LARP4B: variants seen among roughly 807,000 people sequenced by gnomAD.
LARP4B encodes the protein La ribonucleoprotein 4B.
A neutral mutation model predicts 89.8 loss-of-function variants in LARP4B; 12 were observed. The ratio of observed to expected loss-of-function variants is 0.13; its 90% CI spans 0.09 to 0.22. LARP4B has a LOEUF of 0.22. Ranked by LOEUF, LARP4B falls within the 10% of genes least tolerant of loss-of-function variation. LARP4B has a pLI of 1.00. For missense variants in LARP4B, 757 were observed against 947.7 expected, an observed-to-expected ratio of 0.80 and a Z score of 2.64; for synonymous variants, 367 against 363.3, an observed-to-expected ratio of 1.01 and a Z score of -0.12.
intron 3 of LARP4B, among the ~76,000 whole-genome samples, chr10:876,089 C>T (rs1835438726): frequency 6.6e-6 from 1 of 152,074 alleles, no homozygotes; most frequent in Non-Finnish European, 1.5e-5. Flanking sequence ...CAGGCACACA[C>T]ACAAAAAAAT....
chr10:882,609 G>T (rs576851237), intron 3 of LARP4B, among the ~76,000 whole-genome samples: 2 of 152,078 alleles, frequency 1.3e-5, no homozygotes, highest in Non-Finnish European at 2.9e-5. Flanking sequence ...GGATGGTCTC[G>T]ATCTCAGGGA....
the LARP4B span, among the ~76,000 whole-genome samples, chr10:961,703 G>C: frequency 6.6e-6 from 1 of 152,192 alleles, no homozygotes; most frequent in Non-Finnish European, 1.5e-5. Flanking sequence ...TGTGGCCAGA[G>C]AGGAGACGAG....
chr10:851,894 C>T (rs931078257), intron 5 of LARP4B, among the ~76,000 whole-genome samples: 2 of 151,966 alleles, frequency 1.3e-5, no homozygotes, highest in African/African-American at 4.8e-5. Flanking sequence ...GGTGAAACTC[C>T]ATCTCTACAG....
rs113292847 is a variant in LARP4B, at chr10:843,662, G to A, written c.510-594C>T. Among the ~76,000 whole-genome samples, 476 of 152,130 alleles carry A rather than the reference G, an allele frequency of 3.1e-3. 5 individuals carry two copies. The highest frequency in any genetic ancestry group is 0.011 in the African/African-American group (461 of 41,516). On this transcript the variant is annotated intron_variant, in intron 6 of 17. Transcript: ENST00000316157. ...TACAGTGAGCCAAGATCACACCACT[G>A]CACTCTAGCCTGGGCGACAAGAGTG...
intron 1 of LARP4B, among the ~76,000 whole-genome samples, chr10:929,999 G>C (rs554530540): frequency 7.2e-5 from 11 of 151,798 alleles, no homozygotes; most frequent in Non-Finnish European, 1.5e-4. Flanking sequence ...AATACAAGGA[G>C]AAAAAACTGA....
chr10:824,059 T>C (rs935694096), intron 13 of LARP4B, among the ~76,000 whole-genome samples: 1 of 152,228 alleles, frequency 6.6e-6, no homozygotes, highest in African/African-American at 2.4e-5. Context: ...AAGAGGAGCT[T>C]GCACGTCAGG....
At chr10:844,669 A>C (rs909200329) in intron 6 of LARP4B, among the ~76,000 whole-genome samples, 1 of 152,164 alleles carries the variant, frequency 6.6e-6, no homozygotes, top group Non-Finnish European at 1.5e-5. Context: ...GTGCTTTCAG[A>C]AACAACGTGG....
upstream of LARP4B, among the ~76,000 whole-genome samples, chr10:934,102 G>C (rs1376001458): frequency 1.3e-5 from 2 of 151,974 alleles, no homozygotes; most frequent in Non-Finnish European, 2.9e-5. Context: ...TAAGTGCTGG[G>C]ATTACAGGCG....
chr10:944,574 C>A, the LARP4B span, among the ~76,000 whole-genome samples: 4 of 152,224 alleles, frequency 2.6e-5, no homozygotes, highest in African/African-American at 7.2e-5. Context: ...ACTCAGCCAG[C>A]GCTGGGGAAA....
chr10:811,811 T>C lies in LARP4B; in HGVS notation c.*1115A>G, dbSNP rs1277703825. On this transcript the variant is annotated 3_prime_UTR_variant, in exon 18 of 18. Transcript: ENST00000316157. ...TGAGGCATTTTAAAACAAAATAATT[T>C]ATATTTAACTTTATTATAAACTTGC... The C allele has an allele frequency of 6.6e-6, 1 of 152,648 alleles. No individual in the cohort carries two copies. Among genetic ancestry groups the C allele is most frequent in the Non-Finnish European group, 1.5e-5 (1 of 68,050 alleles). The allele number at this position is 152,648 out of a possible 1,614,324, so 9.5% of individuals were successfully genotyped here. A position where few individuals can be genotyped will look rare whatever the true frequency, so the allele number is the denominator to read the frequency against.
chr10:835,284 T>G (rs926320142), intron 8 of LARP4B, among the ~76,000 whole-genome samples: 2 of 152,152 alleles, frequency 1.3e-5, no homozygotes, highest in African/African-American at 4.8e-5. Context: ...CTTTCTCACA[T>G]GCTAGGGTTG....
Position 814,618 on chromosome 10 carries a change from G to C in LARP4B, c.1929+124C>G, listed in dbSNP as rs1202195683. On this transcript the variant is annotated intron_variant, in intron 17 of 17. Transcript: ENST00000316157. The surrounding 1 kb of genome is among the most constrained non-coding windows in gnomAD (Gnocchi z 4.4). ...TTGTACAGAAAACACAACACAGACA[G>C]ACGCAAATAAAAACCCACCAAATTA... 2 of 1,546,212 alleles carry C rather than the reference G, an allele frequency of 1.3e-6. No homozygotes were observed. The highest frequency in any genetic ancestry group is 1.7e-6 in the Non-Finnish European group (2 of 1,143,560).
intron 1 of LARP4B, among the ~76,000 whole-genome samples, chr10:909,156 T>A (rs1375905122): frequency 1.3e-5 from 2 of 152,006 alleles, no homozygotes; most frequent in African/African-American, 4.8e-5. Flanking sequence ...TAGCCGGGCA[T>A]GGTGGTGGGC....
chr10:896,039 G>A (rs1374442664), intron 1 of LARP4B, among the ~76,000 whole-genome samples: 1 of 151,244 alleles, frequency 6.6e-6, no homozygotes, highest in Non-Finnish European at 1.5e-5. Flanking sequence ...GCCCACGCAG[G>A]AGAAGCTGCC....
chr10:972,927 C>T, the LARP4B span: 4,851 of 453,140 alleles, frequency 0.011, 120 homozygotes, highest in East Asian at 0.077. Context: ...TTTCTGGAGA[C>T]GCATCAGCTA....
At chr10:917,694 T>C (rs1177922606) in intron 1 of LARP4B, among the ~76,000 whole-genome samples, 2 of 152,266 alleles carry the variant, frequency 1.3e-5, no homozygotes, top group Non-Finnish European at 2.9e-5. Flanking sequence ...ACCCAATTCA[T>C]GTAAGTATTA....
chr10:898,291 A>G (rs1836245853), intron 1 of LARP4B, among the ~76,000 whole-genome samples: 2 of 152,248 alleles, frequency 1.3e-5, no homozygotes, highest in South Asian at 4.1e-4. Flanking sequence ...GCTGGTACAA[A>G]TGTAAAACAG....
At chr10:864,686 G>T (rs991195185) in intron 3 of LARP4B, among the ~76,000 whole-genome samples, 2 of 152,216 alleles carry the variant, frequency 1.3e-5, no homozygotes, top group African/African-American at 4.8e-5. Flanking sequence ...GGGCGCGGCG[G>T]CTCACACCTG....
At chr10:897,434 C>T (rs980317111) in intron 1 of LARP4B, among the ~76,000 whole-genome samples, 2 of 152,020 alleles carry the variant, frequency 1.3e-5, no homozygotes, top group Non-Finnish European at 1.5e-5. Flanking sequence ...AAGAAAACAG[C>T]AGTAAATCTT....
Sources: gnomAD v4.1 joint callset for allele counts (sites outside exome capture counted in the v4.1 genomes callset) on GRCh38, gnomAD v4.1.1 for gene constraint, Gnocchi (gnomAD v3.1) non-coding constraint, MANE v1.5 for transcripts, NCBI Gene and HGNC (gene_info 2026-07-23, HGNC 2026-07-21) for gene names.